The following NUP153 variants were observed in gnomAD, a reference collection of about 807,000 sequenced individuals.
The protein encoded by NUP153 is nucleoporin 153.
A neutral mutation model predicts 134.6 loss-of-function variants in NUP153; 27 were observed. The ratio of observed to expected loss-of-function variants is 0.20; its 90% CI spans 0.15 to 0.28. The LOEUF is 0.28. Among genes scored for constraint, NUP153 ranks in the 10% least tolerant of loss-of-function variants. The pLI, the probability that NUP153 is intolerant of heterozygous loss-of-function variation, is 1.00. For synonymous variants in NUP153, 640 were observed against 623.5 expected, an observed-to-expected ratio of 1.03 and a Z score of -0.40; for missense variants, 1,821 against 1,731.3, an observed-to-expected ratio of 1.05 and a Z score of -0.92.
At position 17,661,644 on chromosome 6, in the gene NUP153, C is replaced by T. The variant is rs760426629; in HGVS notation, c.1395+9G>A. 6.2e-7 allele frequency: 1 copy of T among 1,612,148 alleles called. No homozygotes were observed. Among genetic ancestry groups the T allele is most frequent in the Non-Finnish European group, 8.5e-7 (1 of 1,179,024 alleles). ...TAAACCTCAAGAGTATATGAGTATA[C>T]AACCCTACCTCCTCCTCCAGAGGTT... On this transcript the variant is annotated intron_variant, in intron 11 of 21. Coordinates refer to ENST00000262077, the MANE Select transcript of NUP153 (RefSeq NM_005124.4).
chr6:17,615,953 C>G lies in NUP153; in HGVS notation c.*144G>C. On this transcript the variant is annotated 3_prime_UTR_variant, in exon 22 of 22. Transcript: ENST00000262077. The surrounding 1 kb of genome is among the most constrained non-coding windows in gnomAD (Gnocchi z 5.7). ...GTGAGGCAGGGTGGGGCTTCTGTAA[C>G]GAAAGAGAAAGGAGGAAAATTCCAA... The G allele has an allele frequency of 1.8e-6, 1 of 548,962 alleles. No individual in the cohort carries two copies. Among genetic ancestry groups the G allele is most frequent in the East Asian group, 2.9e-5 (1 of 33,998 alleles). The allele number at this position is 548,962 out of a possible 1,614,324, so 34.0% of individuals were successfully genotyped here. A position where few individuals can be genotyped will look rare whatever the true frequency, so the allele number is the denominator to read the frequency against.
At chr6:17,632,031 T>C (rs9371006) in intron 17 of NUP153, among the ~76,000 whole-genome samples, 67,563 of 151,998 alleles carry the variant, frequency 0.44, 15,922 homozygotes, top group Middle Eastern at 0.75. Context: ...AGTCTTCCTT[T>C]GTACTTATAT....
At chr6:17,695,582 C>T (rs1270661864) in intron 1 of NUP153, among the ~76,000 whole-genome samples, 4 of 152,132 alleles carry the variant, frequency 2.6e-5, no homozygotes, top group Non-Finnish European at 5.9e-5. Context: ...AGCCGACCTT[C>T]GAGTTGATTT....
intron 9 of NUP153, among the ~76,000 whole-genome samples, chr6:17,664,923 C>G (rs1767423885): frequency 1.3e-5 from 2 of 152,000 alleles, no homozygotes; most frequent in South Asian, 4.2e-4. Context: ...TGAGGTGGCA[C>G]ATGCCTGTAG....
In NUP153 at chr6:17,706,135, C is replaced by T. The variant is rs916813722; in HGVS notation, c.111+142G>A. 4.4e-6 allele frequency: 3 copies of T among 677,644 alleles called. No homozygotes were observed. Among genetic ancestry groups the T allele is most frequent in the Middle Eastern group, 7.6e-4 (2 of 2,618 alleles). The allele number at this position is 677,644 out of a possible 1,614,324, so 42.0% of individuals were successfully genotyped here. ...ACTTCCCGTCGCCACCCCCAACGGC[C>T]TGAGCTCCCCCGGAGCCTCACTCGG... On this transcript the variant is annotated intron_variant, in intron 1 of 21. Coordinates refer to ENST00000262077, the MANE Select transcript of NUP153 (RefSeq NM_005124.4). This position sits in a 1 kb window ranked among gnomAD's most constrained non-coding sequence, Gnocchi z 5.9.
intron 16 of NUP153, among the ~76,000 whole-genome samples, chr6:17,635,356 G>A (rs1176369530): frequency 2.6e-5 from 4 of 152,010 alleles, no homozygotes; most frequent in South Asian, 2.1e-4. Context: ...TGATCCACTC[G>A]CCTCGGCCTC....
chr6:17,650,538 T>C (rs889916731), intron 11 of NUP153, among the ~76,000 whole-genome samples: 14 of 152,278 alleles, frequency 9.2e-5, no homozygotes, highest in African/African-American at 2.2e-4. Flanking sequence ...CTAAAATAAT[T>C]TGAATACTTC....
intron 16 of NUP153, among the ~76,000 whole-genome samples, chr6:17,634,360 G>T (rs1765410308): frequency 6.6e-6 from 1 of 152,032 alleles, no homozygotes; most frequent in Non-Finnish European, 1.5e-5. Flanking sequence ...CTACTCTCAT[G>T]ACTTCAAATA....
Position 17,626,024 on chromosome 6 carries a change from C to T in NUP153, c.3685G>A (p.Gly1229Arg), listed in dbSNP as rs1764930155. The T allele has an allele frequency of 6.2e-7, 1 of 1,614,038 alleles. No individual in the cohort carries two copies. The highest frequency in any genetic ancestry group is 8.5e-7 in the Non-Finnish European group (1 of 1,180,050). The stretch of plus-strand genomic sequence containing the variant: ...CTGCTCACAGGATTGCTGGACTGTC[C>T]AAACACAAAGGTAGCCACAGGTGGA... ...SNPPVATFVF[G>R]QSSNPVSSSA... The change falls in exon 19 of 22, where the codon GGA (glycine) becomes AGA (arginine). Residue 1229 changes from glycine (G) to arginine (R), a missense_variant. Coordinates refer to ENST00000262077, the MANE Select transcript of NUP153 (RefSeq NM_005124.4).
chr6:17,659,250 G>C (rs1303844493), intron 11 of NUP153, among the ~76,000 whole-genome samples: 1 of 152,224 alleles, frequency 6.6e-6, no homozygotes, highest in Non-Finnish European at 1.5e-5. Flanking sequence ...CCAAGAGCTT[G>C]TCGAATCCCA....
intron 11 of NUP153, among the ~76,000 whole-genome samples, chr6:17,653,806 G>A (rs1230165503): frequency 2.0e-5 from 3 of 152,170 alleles, no homozygotes; most frequent in African/African-American, 7.2e-5. Flanking sequence ...TCTCTTGATA[G>A]GGCTTGCATT....
chr6:17,675,898 T>C lies in NUP153; in HGVS notation c.335-128A>G. The stretch of plus-strand genomic sequence containing the variant: ...CAATTCAAATCACTGGGGCATCCCA[T>C]AATAAGCCCAATATAACATACTCCT... On this transcript the variant is annotated intron_variant, in intron 2 of 21. Transcript: ENST00000262077. The surrounding 1 kb of genome is among the most constrained non-coding windows in gnomAD (Gnocchi z 4.4). The C allele has an allele frequency of 2.3e-6, 2 of 857,486 alleles. No individual in the cohort carries two copies. Among genetic ancestry groups the C allele is most frequent in the East Asian group, 2.6e-5 (1 of 39,120 alleles). 53.1% of individuals were successfully genotyped at this position (857,486 alleles called of 1,614,324 possible). A position where few individuals can be genotyped will look rare whatever the true frequency, so the allele number is the denominator to read the frequency against.
intron 1 of NUP153, among the ~76,000 whole-genome samples, chr6:17,691,929 T>C (rs1256223705): frequency 6.6e-6 from 1 of 152,162 alleles, no homozygotes; most frequent in Non-Finnish European, 1.5e-5. Context: ...GCCTTCCAAG[T>C]AGCCAGGACT....
chr6:17,637,195 C>G lies in NUP153; in HGVS notation c.2422G>C (p.Ala808Pro). 6.2e-7 allele frequency: 1 copy of G among 1,613,976 alleles called. No homozygotes were observed. Among genetic ancestry groups the G allele is most frequent in the Non-Finnish European group, 8.5e-7 (1 of 1,179,890 alleles). Reference sequence around the variant, plus strand: ...CAGGACACACACTTATTGTCTTCTGCATTATTAGAAACACAGCATACTGAA... The same window carrying G: ...CAGGACACACACTTATTGTCTTCTGGATTATTAGAAACACAGCATACTGAA... ...ECSVCCVSNN[A>P]EDNKCVSCMS... Residue 808 changes from alanine to proline, a missense_variant, in exon 16 of 22, where the codon GCA becomes CCA. By Grantham distance (27) the Ala-to-Pro change is conservative (BLOSUM62 -1). Coordinates refer to ENST00000262077, the MANE Select transcript of NUP153 (RefSeq NM_005124.4).
At chr6:17,656,990 C>T (rs955645567) in intron 11 of NUP153, among the ~76,000 whole-genome samples, 1 of 152,166 alleles carries the variant, frequency 6.6e-6, no homozygotes, top group South Asian at 2.1e-4. Context: ...AGGGCTTTAG[C>T]AAGCTGTTTC....
At chr6:17,704,568 G>A (rs1770349493) in intron 1 of NUP153, among the ~76,000 whole-genome samples, 2 of 152,020 alleles carry the variant, frequency 1.3e-5, no homozygotes, top group Admixed American at 6.6e-5. Context: ...TCACAAATTT[G>A]AAAACTAAGC....
At chr6:17,679,210 AATC>A (rs1768422622) in intron 2 of NUP153, among the ~76,000 whole-genome samples, 1 of 152,198 alleles carries the variant, frequency 6.6e-6, no homozygotes, top group Non-Finnish European at 1.5e-5. Context: ...AGGATACAAA[AATC>A]AACACAAAAA....
At chr6:17,648,985 T>C (rs189937418) in intron 12 of NUP153, among the ~76,000 whole-genome samples, 178 bp downstream of exon 12, 86 of 152,326 alleles carry the variant, frequency 5.6e-4, no homozygotes, top group African/African-American at 2.0e-3. Context: ...TCCATTATAA[T>C]GTATCCAAGA....
intron 20 of NUP153, among the ~76,000 whole-genome samples, chr6:17,622,754 A>T (rs1333453397): frequency 6.6e-6 from 1 of 152,208 alleles, no homozygotes; most frequent in African/African-American, 2.4e-5. Flanking sequence ...ATAGGATAGA[A>T]AGTTATAGTA....
Sources: gnomAD v4.1 joint callset for allele counts (sites outside exome capture counted in the v4.1 genomes callset) on GRCh38, gnomAD v4.1.1 for gene constraint, Gnocchi (gnomAD v3.1) non-coding constraint, MANE v1.5 for transcripts, NCBI Gene and HGNC (gene_info 2026-07-23, HGNC 2026-07-21) for gene names.